Variants in ZFAND3 observed in about 807,000 individuals in gnomAD.
The protein encoded by ZFAND3 is AN1-type zinc finger protein 3.
Under a neutral mutation model 29.6 loss-of-function variants are expected in ZFAND3, and 10 were observed. The ratio of observed to expected loss-of-function variants is 0.34; its 90% CI spans 0.21 to 0.57. The LOEUF (loss-of-function observed/expected upper bound fraction) is 0.57, where lower values mean the gene tolerates loss of function less well. Among genes scored for constraint, ZFAND3 ranks in the 20% least tolerant of loss-of-function variants. ZFAND3 has a pLI of 0.86. For missense variants in ZFAND3, 230 were observed against 304.5 expected (o/e 0.76, Z 1.82); for synonymous variants, 128 against 112.6 (o/e 1.14, Z -0.87).
chr6:37,923,631 A>G (rs890656472), intron 1 of ZFAND3, among the ~76,000 whole-genome samples: 3 of 152,362 alleles, frequency 2.0e-5, no homozygotes, highest in African/African-American at 7.2e-5. Flanking sequence ...TGTACTATAC[A>G]TAACTGTATG....
intron 1 of ZFAND3, among the ~76,000 whole-genome samples, chr6:37,837,505 C>T (rs1561905928): frequency 7.1e-6 from 1 of 141,092 alleles, no homozygotes; most frequent in African/African-American, 2.8e-5. Flanking sequence ...TATAGATAGT[C>T]CTTTTTTTTT....
At chr6:38,024,989 T>C (rs188001977) in intron 2 of ZFAND3, among the ~76,000 whole-genome samples, 2 of 152,364 alleles carry the variant, frequency 1.3e-5, no homozygotes, top group Admixed American at 6.5e-5. Context: ...AAAATACATA[T>C]GTATTGTTCA....
intron 5 of ZFAND3, among the ~76,000 whole-genome samples, chr6:38,138,402 G>T (rs1399381535): frequency 1.3e-5 from 2 of 150,200 alleles, no homozygotes; most frequent in Non-Finnish European, 3.0e-5. Context: ...TACAAAACAA[G>T]TACATCTCAG....
intron 4 of ZFAND3, among the ~76,000 whole-genome samples, chr6:38,111,762 G>T (rs1198331191): frequency 2.0e-5 from 3 of 152,124 alleles, no homozygotes; most frequent in African/African-American, 7.2e-5. Context: ...TCAGCAGGAG[G>T]CTATTACTAG....
Position 37,921,610 on chromosome 6 carries a change from C to T in ZFAND3, c.72-8349C>T, listed in dbSNP as rs534575091. On this transcript the variant is annotated intron_variant, in intron 1 of 5. Transcript: ENST00000287218. The stretch of plus-strand genomic sequence containing the variant: ...TTTCCAGAATTCCCAGAAATTAGGA[C>T]TGTTACTAGAATTCCCCAAGATGAA... Among the ~76,000 whole-genome samples, 469 of 151,946 alleles carry T rather than the reference C, an allele frequency of 3.1e-3. 3 individuals carry two copies. The highest frequency in any genetic ancestry group is 0.011 in the African/African-American group (446 of 41,468).
chr6:38,117,558 T>A (rs1765445957), intron 5 of ZFAND3, among the ~76,000 whole-genome samples: 1 of 152,220 alleles, frequency 6.6e-6, no homozygotes, highest in South Asian at 2.1e-4. Context: ...TGTACTTGTT[T>A]TTATTTCCTG....
Position 38,085,408 on chromosome 6 carries a change from G to A in ZFAND3, c.361+2951G>A, listed in dbSNP as rs946567902. 2.0e-5 allele frequency among the ~76,000 whole-genome samples: 3 copies of A among 152,170 alleles called. No homozygotes were observed. In the South Asian group the frequency reaches 6.2e-4, roughly 32 times the overall value. On this transcript the variant is annotated intron_variant, in intron 4 of 5. Coordinates refer to ENST00000287218, the MANE Select transcript of ZFAND3 (RefSeq NM_021943.3). ...AAGCAGCCTTGAGCTTAATAATGAT[G>A]TGTGTTAGAACAAGGATACTGAGAT...
At chr6:37,850,644 A>G (rs1764263586) in intron 1 of ZFAND3, among the ~76,000 whole-genome samples, 1 of 152,202 alleles carries the variant, frequency 6.6e-6, no homozygotes, top group South Asian at 2.1e-4. Context: ...CACATAGCCT[A>G]GTTGTGTAGT....
At chr6:37,915,798 T>A (rs1443277302) in intron 1 of ZFAND3, 1 of 152,224 alleles carries the variant, frequency 6.6e-6, no homozygotes, top group Non-Finnish European at 1.5e-5. Context: ...AGACGGAGCT[T>A]CACTCTTGTT....
intron 2 of ZFAND3, among the ~76,000 whole-genome samples, chr6:37,932,056 G>T (rs776002831): frequency 6.6e-6 from 1 of 152,150 alleles, no homozygotes. Context: ...GGACCACGAG[G>T]TCTGGAGAGC....
chr6:37,981,112 C>A (rs1448269571), intron 2 of ZFAND3, among the ~76,000 whole-genome samples: 1 of 152,162 alleles, frequency 6.6e-6, no homozygotes, highest in East Asian at 1.9e-4. Flanking sequence ...GTGGTCTGAG[C>A]CTAAGGCAAC....
intron 1 of ZFAND3, among the ~76,000 whole-genome samples, chr6:37,856,813 GT>G (rs1467819054): frequency 6.6e-6 from 1 of 151,920 alleles, no homozygotes. Flanking sequence ...TGTCCGTTTG[GT>G]TTTTTATTTT....
Position 37,951,358 on chromosome 6 carries a change from C to T in ZFAND3, c.112+21359C>T, listed in dbSNP as rs111989691. Among the ~76,000 whole-genome samples the T allele has an allele frequency of 5.3e-3, 805 of 152,092 alleles. 5 individuals carry two copies. The highest frequency in any genetic ancestry group is 9.0e-3 in the Non-Finnish European group (614 of 67,994). ...CTGAAATCCCAACACTTTGGGAGGC[C>T]GAGACAGGCGAATCACGAGGTCAGG... On this transcript the variant is annotated intron_variant, in intron 2 of 5. Coordinates refer to ENST00000287218, the MANE Select transcript of ZFAND3 (RefSeq NM_021943.3).
chr6:37,896,534 C>CTTTCTTTA (rs1561925883), intron 1 of ZFAND3, among the ~76,000 whole-genome samples: 1 of 119,648 alleles, frequency 8.4e-6, no homozygotes, highest in Non-Finnish European at 1.7e-5. Flanking sequence ...TTCTTTCTTT[C>CTTTCTTTA]TTTCTTTCTT....
Position 37,929,265 on chromosome 6 carries a change from G to A in ZFAND3, c.72-694G>A, listed in dbSNP as rs77126325. Among the ~76,000 whole-genome samples, 241 of 152,238 alleles carry A rather than the reference G, an allele frequency of 1.6e-3. 5 individuals carry two copies. The East Asian group carries it at 0.035, about 22-fold the overall frequency. On this transcript the variant is annotated intron_variant, in intron 1 of 5. Coordinates refer to ENST00000287218, the MANE Select transcript of ZFAND3 (RefSeq NM_021943.3). The stretch of plus-strand genomic sequence containing the variant: ...GCTAATGTGATTTTTTTAAAAGTGC[G>A]TTTTAAAAGCAAAACAATATGGTAA...
intron 1 of ZFAND3, among the ~76,000 whole-genome samples, chr6:37,910,035 G>A (rs259675): frequency 0.7 from 107,037 of 152,126 alleles, 38,254 homozygotes; most frequent in African/African-American, 0.79. Context: ...TAGGTCTAAG[G>A]CTTGTTCTTT....
chr6:37,837,805 C>T (rs930111073), intron 1 of ZFAND3, among the ~76,000 whole-genome samples: 3 of 152,008 alleles, frequency 2.0e-5, no homozygotes, highest in African/African-American at 4.8e-5. Flanking sequence ...TACGCCCGGC[C>T]GATAGACTCT....
chr6:38,147,140 C>A (rs1011764968), intron 5 of ZFAND3, among the ~76,000 whole-genome samples: 1 of 152,172 alleles, frequency 6.6e-6, no homozygotes, highest in Non-Finnish European at 1.5e-5. Context: ...TTCTCTTCAT[C>A]CTCCTCCCTC....
intron 2 of ZFAND3, among the ~76,000 whole-genome samples, chr6:38,038,173 C>T (rs1371378159): frequency 1.3e-5 from 2 of 152,172 alleles, no homozygotes; most frequent in Admixed American, 6.5e-5. Context: ...ACATCTTCTC[C>T]TGTCCTTCTC....
Sources: gnomAD v4.1 joint callset for allele counts (sites outside exome capture counted in the v4.1 genomes callset) on GRCh38, gnomAD v4.1.1 for gene constraint, MANE v1.5 for transcripts, NCBI Gene and HGNC (gene_info 2026-07-23, HGNC 2026-07-21) for gene names.